GNA14: variants seen among roughly 807,000 people sequenced by gnomAD.
The protein encoded by GNA14 is G protein subunit alpha 14, also known as guanine nucleotide-binding protein subunit alpha-14.
Under a neutral mutation model 42.0 loss-of-function variants are expected in GNA14, and 50 were observed. The observed-to-expected ratio is 1.19, with a 90% confidence interval of 0.95 to 1.51. GNA14 has a LOEUF of 1.51. Among genes scored for constraint, GNA14 ranks in the 40% most tolerant of loss-of-function variants. GNA14 has a pLI of 0.00. For missense variants in GNA14, 473 were observed against 446.2 expected (o/e 1.06, Z -0.54); for synonymous variants, 173 against 163.1 (o/e 1.06, Z -0.46).
chr9:77,472,453 G>A (rs2131721981), intron 2 of GNA14, among the ~76,000 whole-genome samples: 1 of 152,214 alleles, frequency 6.6e-6, no homozygotes, highest in Non-Finnish European at 1.5e-5. Flanking sequence ...AGAAATAAAA[G>A]GCATCCAGAG....
intron 1 of GNA14, among the ~76,000 whole-genome samples, chr9:77,624,770 A>G (rs1440661664): frequency 6.6e-6 from 1 of 152,162 alleles, no homozygotes; most frequent in African/African-American, 2.4e-5. Context: ...CAAAGACCAA[A>G]GGTACATAAA....
chr9:77,450,860 G>A (rs1835891076), intron 2 of GNA14, among the ~76,000 whole-genome samples: 1 of 151,946 alleles, frequency 6.6e-6, no homozygotes, highest in African/African-American at 2.4e-5. Context: ...TAGTGAATAA[G>A]GCTCACAAGA....
intron 1 of GNA14, among the ~76,000 whole-genome samples, chr9:77,592,448 C>T (rs943222026): frequency 1.2e-4 from 18 of 152,172 alleles, no homozygotes; most frequent in African/African-American, 4.3e-4. Flanking sequence ...TTTCTAGATT[C>T]TCATAGTATA....
At chr9:77,645,237 A>C (rs1163129692) in intron 1 of GNA14, among the ~76,000 whole-genome samples, 2 of 152,230 alleles carry the variant, frequency 1.3e-5, no homozygotes, top group Non-Finnish European at 2.9e-5. Context: ...TGAGGTTTTT[A>C]ACTGAGGCAC....
intron 2 of GNA14, among the ~76,000 whole-genome samples, chr9:77,442,169 C>T (rs180765722): frequency 1.5e-4 from 23 of 152,248 alleles, no homozygotes; most frequent in African/African-American, 5.3e-4. Context: ...GCCAGGAGTT[C>T]GAGACCCGAC....
intron 1 of GNA14, among the ~76,000 whole-genome samples, chr9:77,532,200 G>T (rs746061353): frequency 1.5e-4 from 23 of 152,142 alleles, no homozygotes; most frequent in Non-Finnish European, 2.5e-4. Context: ...GAAGTGTCGT[G>T]GCCTGGGTCC....
At chr9:77,432,113 A>AC (rs1192857158) in intron 3 of GNA14, among the ~76,000 whole-genome samples, 4 of 152,090 alleles carry the variant, frequency 2.6e-5, no homozygotes, top group African/African-American at 9.6e-5. Flanking sequence ...TCCTTTAAAA[A>AC]AAAAAAAAAC....
intron 2 of GNA14, among the ~76,000 whole-genome samples, chr9:77,460,913 C>T (rs1014923578): frequency 2.0e-5 from 3 of 152,154 alleles, no homozygotes; most frequent in Non-Finnish European, 4.4e-5. Flanking sequence ...ACAGGTCTCA[C>T]CGAAAAACCA....
chr9:77,623,231 A>AAAAAAAAAAAAAAAAAAAAAAAAAG (rs1823959518), intron 1 of GNA14, among the ~76,000 whole-genome samples: 1 of 109,858 alleles, frequency 9.1e-6, no homozygotes, highest in African/African-American at 5.9e-5. Context: ...AAAAAAAAAA[A>AAAAAAAAAAAAAAAAAAAAAAAAAG]AAAAAAAAAA....
Position 77,528,142 on chromosome 9 carries a change from A to G in GNA14, c.309+927T>C, listed in dbSNP as rs534632260. Among the ~76,000 whole-genome samples, 247 of 152,020 alleles carry G rather than the reference A, an allele frequency of 1.6e-3. 1 individual carries two copies. The highest frequency in any genetic ancestry group is 3.4e-3 in the Middle Eastern group (1 of 294). On this transcript the variant is annotated intron_variant, in intron 2 of 6. Coordinates refer to ENST00000341700, the MANE Select transcript of GNA14 (RefSeq NM_004297.4). ...ACTGATTGCTTTAAAACTTTTTTTAATCATATATATATGAGTATAGGTGCC... is the reference window on the plus strand; with the variant it reads ...ACTGATTGCTTTAAAACTTTTTTTAGTCATATATATATGAGTATAGGTGCC...
At chr9:77,432,892 T>C (rs1366379011) in intron 3 of GNA14, among the ~76,000 whole-genome samples, 1 of 152,168 alleles carries the variant, frequency 6.6e-6, no homozygotes, top group Admixed American at 6.5e-5. Context: ...TGTTCCTGGC[T>C]CCTCGAGCTG....
At chr9:77,626,520 G>A (rs1824015506) in intron 1 of GNA14, among the ~76,000 whole-genome samples, 1 of 152,058 alleles carries the variant, frequency 6.6e-6, no homozygotes, top group Admixed American at 6.5e-5. Flanking sequence ...CAAAAGAACT[G>A]AAATAATAAC....
At chr9:77,628,582 T>C (rs1394282073) in intron 1 of GNA14, among the ~76,000 whole-genome samples, 1 of 151,910 alleles carries the variant, frequency 6.6e-6, no homozygotes, top group Non-Finnish European at 1.5e-5. Context: ...GGACTAACAC[T>C]ACACATCTAG....
chr9:77,490,652 A>G lies in GNA14; in HGVS notation c.309+38417T>C, dbSNP rs187756615. Among the ~76,000 whole-genome samples the G allele has an allele frequency of 8.5e-3, 1,300 of 152,278 alleles. 22 individuals carry two copies. Among genetic ancestry groups the G allele is most frequent in the African/African-American group, 0.029 (1,223 of 41,572 alleles). ...TGCTAAGCCCCTCACTGCCCAGGCC[A>G]GCAGGGCCGGCCGGCCGCTCCGAGT... On this transcript the variant is annotated intron_variant, in intron 2 of 6. Coordinates refer to ENST00000341700, the MANE Select transcript of GNA14 (RefSeq NM_004297.4).
chr9:77,425,724 A>G lies in GNA14; in HGVS notation c.724-9T>C. On this transcript the variant is annotated splice_polypyrimidine_tract_variant and intron_variant, in intron 5 of 6. Coordinates refer to ENST00000341700, the MANE Select transcript of GNA14 (RefSeq NM_004297.4). ...CTCTCTTCCATGCGATTCTAAGTGA[A>G]AAACAAGGGACTTGGGATGAAGTAG... 1 of 1,582,254 alleles carries G rather than the reference A, an allele frequency of 6.3e-7. No individual in the cohort carries two copies. The highest frequency in any genetic ancestry group is 8.6e-7 in the Non-Finnish European group (1 of 1,165,510).
At chr9:77,529,549 C>A (rs900460791) in intron 1 of GNA14, among the ~76,000 whole-genome samples, 1 of 152,074 alleles carries the variant, frequency 6.6e-6, no homozygotes, top group East Asian at 1.9e-4. Flanking sequence ...TTTGTCACTG[C>A]GAAGATGGCA....
intron 2 of GNA14, among the ~76,000 whole-genome samples, chr9:77,477,152 C>T (rs958101957): frequency 1.7e-4 from 26 of 151,994 alleles, no homozygotes; most frequent in Non-Finnish European, 3.4e-4. Context: ...AGGCCAGGAG[C>T]TCGAGACGAG....
intron 1 of GNA14, among the ~76,000 whole-genome samples, chr9:77,599,123 G>A (rs1451027235): frequency 6.6e-6 from 1 of 152,164 alleles, no homozygotes; most frequent in African/African-American, 2.4e-5. Flanking sequence ...GAAGGGTCAG[G>A]AAATTTTTCA....
intron 1 of GNA14, among the ~76,000 whole-genome samples, chr9:77,531,838 C>T (rs964821649): frequency 4.6e-5 from 7 of 152,138 alleles, no homozygotes; most frequent in African/African-American, 9.7e-5. Context: ...TTATTTCAGA[C>T]ATGGAGTATT....
Sources: allele counts gnomAD v4.1 joint callset (sites outside exome capture counted in the v4.1 genomes callset), GRCh38; gene constraint gnomAD v4.1.1; transcripts MANE v1.5; gene names NCBI Gene and HGNC (gene_info 2026-07-23, HGNC 2026-07-21).